The following SIPA1L3 variants were observed in gnomAD, a reference collection of about 807,000 sequenced individuals.
SIPA1L3 encodes the protein signal induced proliferation associated 1 like 3, also known as signal-induced proliferation-associated 1-like protein 3.
A neutral mutation model predicts 150.1 loss-of-function variants in SIPA1L3; 59 were observed. The ratio of observed to expected loss-of-function variants is 0.39; its 90% CI spans 0.32 to 0.49. The LOEUF is 0.49. Ranked by LOEUF, SIPA1L3 falls within the 20% of genes least tolerant of loss-of-function variation. The pLI is 0.86. For synonymous variants in SIPA1L3, 1,070 were observed against 1,077.6 expected, an observed-to-expected ratio of 0.99 and a Z score of 0.14; for missense variants, 2,211 against 2,489.5, an observed-to-expected ratio of 0.89 and a Z score of 2.38.
At chr19:38,005,630 G>C (rs568376520) in intron 1 of SIPA1L3, among the ~76,000 whole-genome samples, 120 of 152,242 alleles carry the variant, frequency 7.9e-4, no homozygotes, top group African/African-American at 2.8e-3. Flanking sequence ...CTTAATGTCA[G>C]CTCCATAAAG....
At position 38,206,368 on chromosome 19, in the gene SIPA1L3, C is replaced by A; in HGVS notation, c.*128C>A. The A allele has an allele frequency of 8.8e-7, 1 of 1,134,764 alleles. No homozygotes were observed. Among genetic ancestry groups the A allele is most frequent in the Non-Finnish European group, 1.2e-6 (1 of 815,246 alleles). The allele number at this position is 1,134,764 out of a possible 1,614,324, so 70.3% of individuals were successfully genotyped here. A position where few individuals can be genotyped will look rare whatever the true frequency, so the allele number is the denominator to read the frequency against. On this transcript the variant is annotated 3_prime_UTR_variant, in exon 22 of 22. Coordinates refer to ENST00000222345, the MANE Select transcript of SIPA1L3 (RefSeq NM_015073.3). ...CCATCCAGGGCCCTCCCCATGGACACGGAAACTCCGATGGCCTCACTAGGG... is the reference window on the plus strand; with the variant it reads ...CCATCCAGGGCCCTCCCCATGGACAAGGAAACTCCGATGGCCTCACTAGGG...
Position 37,939,420 on chromosome 19 carries a change from AGG to A in SIPA1L3, c.-379+32063_-379+32064del, listed in dbSNP as rs1411344627. Reference sequence around the variant, plus strand: ...ATGTCAAAAAAAAAAAAAAAAAAAAAGGATTAGTTTCAACCGCATATAATTTA... The same window carrying A: ...ATGTCAAAAAAAAAAAAAAAAAAAAAATTAGTTTCAACCGCATATAATTTA... On this transcript the variant is annotated intron_variant, in intron 1 of 21. Coordinates refer to ENST00000222345, the MANE Select transcript of SIPA1L3 (RefSeq NM_015073.3). Among the ~76,000 whole-genome samples, 209 of 144,624 alleles carry A rather than the reference AGG, an allele frequency of 1.4e-3. 3 individuals are homozygous for A. Among genetic ancestry groups the A allele is most frequent in the African/African-American group, 5.6e-3 (196 of 35,094 alleles). 94.9% of individuals were successfully genotyped at this position (144,624 alleles called of 152,430 possible).
intron 9 of SIPA1L3, among the ~76,000 whole-genome samples, chr19:38,129,682 C>A (rs919085804): frequency 6.6e-6 from 1 of 151,590 alleles, no homozygotes; most frequent in African/African-American, 2.4e-5. Context: ...GAGTTCCCAA[C>A]CTAGAAAAGG....
chr19:38,144,616 T>C (rs1253089249), intron 12 of SIPA1L3, among the ~76,000 whole-genome samples: 2 of 152,238 alleles, frequency 1.3e-5, no homozygotes, highest in South Asian at 4.1e-4. Flanking sequence ...CTTGTTCAAT[T>C]GGAGAAACAC....
intron 1 of SIPA1L3, among the ~76,000 whole-genome samples, chr19:38,007,890 T>C (rs1435104012): frequency 6.6e-6 from 1 of 152,162 alleles, no homozygotes; most frequent in Non-Finnish European, 1.5e-5. Flanking sequence ...TTCTTCATGG[T>C]GTTTATCACG....
chr19:37,920,653 A>C (rs1229312161), intron 1 of SIPA1L3, among the ~76,000 whole-genome samples: 1 of 152,256 alleles, frequency 6.6e-6, no homozygotes, highest in African/African-American at 2.4e-5. Flanking sequence ...TCAAGTGTAC[A>C]TACAGGGGAA....
chr19:38,168,256 G>A (rs1332399888), intron 15 of SIPA1L3, among the ~76,000 whole-genome samples: 1 of 151,986 alleles, frequency 6.6e-6, no homozygotes, highest in African/African-American at 2.4e-5. Flanking sequence ...GCATGGTGGT[G>A]GGCGCCTGTA....
At chr19:38,095,919 A>C (rs1353963653) in intron 4 of SIPA1L3, among the ~76,000 whole-genome samples, 3 of 152,128 alleles carry the variant, frequency 2.0e-5, no homozygotes, top group Non-Finnish European at 4.4e-5. Context: ...TGTCAGTAGG[A>C]TATAAAGACA....
intron 1 of SIPA1L3, among the ~76,000 whole-genome samples, chr19:37,908,470 C>G (rs1293474868): frequency 1.3e-5 from 2 of 152,186 alleles, no homozygotes; most frequent in Non-Finnish European, 2.9e-5. Flanking sequence ...TTGCTCCCAT[C>G]CTCAGTGTCC....
In SIPA1L3 at chr19:38,001,386, G is replaced by A. The variant is rs1967805672; in HGVS notation, c.-378-27703G>A. Among the ~76,000 whole-genome samples, 2 of 151,926 alleles carry A rather than the reference G, an allele frequency of 1.3e-5. 1 individual carries two copies. The highest frequency in any genetic ancestry group is 4.1e-4 in the South Asian group (2 of 4,832). On this transcript the variant is annotated intron_variant, in intron 1 of 21. Transcript: ENST00000222345. ...GAGATGAAAGAACTCTAATTCTTTT[G>A]TGGTTCTTCTGATCTTGCAAAAGAA...
chr19:37,940,385 C>T (rs2046643445), intron 1 of SIPA1L3, among the ~76,000 whole-genome samples: 1 of 152,004 alleles, frequency 6.6e-6, no homozygotes, highest in Admixed American at 6.6e-5. Flanking sequence ...CCACCCTCTA[C>T]TGTATTATTT....
Position 38,207,667 on chromosome 19 carries a change from C to T in SIPA1L3, c.*1427C>T, listed in dbSNP as rs1255435372. On this transcript the variant is annotated 3_prime_UTR_variant, in exon 22 of 22. Coordinates refer to ENST00000222345, the MANE Select transcript of SIPA1L3 (RefSeq NM_015073.3). ...AGCAGGTCTGGCTGTGAGCCAGCACCAGGCAACCCGGCCCTTGTCCAGGGA... is the reference window on the plus strand; with the variant it reads ...AGCAGGTCTGGCTGTGAGCCAGCACTAGGCAACCCGGCCCTTGTCCAGGGA... 6.6e-6 allele frequency: 1 copy of T among 152,140 alleles called. No homozygotes were observed. The highest frequency in any genetic ancestry group is 1.5e-5 in the Non-Finnish European group (1 of 68,088). 9.4% of individuals were successfully genotyped at this position (152,140 alleles called of 1,614,324 possible).
chr19:37,927,145 CTTTTTTT>C (rs34057465), intron 1 of SIPA1L3, among the ~76,000 whole-genome samples: 1 of 128,472 alleles, frequency 7.8e-6, no homozygotes. Context: ...TTTTCTTTTC[CTTTTTTT>C]TTTTTTTTTG....
chr19:38,178,190 T>C (rs1361546226), intron 15 of SIPA1L3, among the ~76,000 whole-genome samples: 3 of 151,430 alleles, frequency 2.0e-5, no homozygotes, highest in Non-Finnish European at 4.4e-5. Context: ...TCCTGGCTAT[T>C]TTTATTTTTT....
At chr19:38,108,520 A>T (rs1481705536) in intron 7 of SIPA1L3, 2 of 152,246 alleles carry the variant, frequency 1.3e-5, no homozygotes, top group Admixed American at 1.3e-4. Flanking sequence ...ATTTAATGCC[A>T]CTTAAAACTC....
At chr19:37,970,650 C>G (rs947739625) in intron 1 of SIPA1L3, among the ~76,000 whole-genome samples, 1 of 152,240 alleles carries the variant, frequency 6.6e-6, no homozygotes. Context: ...GAACCCTCCT[C>G]TCCTGCAGGA....
chr19:38,168,621 G>A (rs965355335), intron 15 of SIPA1L3, among the ~76,000 whole-genome samples: 7 of 152,074 alleles, frequency 4.6e-5, no homozygotes, highest in East Asian at 3.8e-4. Context: ...TAGCGAACCC[G>A]AACAACTGGG....
At chr19:38,145,776 G>A (rs919335021) in intron 12 of SIPA1L3, among the ~76,000 whole-genome samples, 14 of 151,912 alleles carry the variant, frequency 9.2e-5, no homozygotes, top group Admixed American at 3.3e-4. Flanking sequence ...ATCACGAGGT[G>A]CCTCATGCTA....
At chr19:38,077,450 CTA>C (rs1016791561) in intron 2 of SIPA1L3, among the ~76,000 whole-genome samples, 1 of 151,268 alleles carries the variant, frequency 6.6e-6, no homozygotes, top group Admixed American at 6.6e-5. Context: ...GACCCTGTCT[CTA>C]AAAAAAATAA....
Sources: allele counts gnomAD v4.1 joint callset (sites outside exome capture counted in the v4.1 genomes callset), GRCh38; gene constraint gnomAD v4.1.1; transcripts MANE v1.5; gene names NCBI Gene and HGNC (gene_info 2026-07-23, HGNC 2026-07-21).